The following DNAJC6 variants were observed in gnomAD, a reference collection of about 807,000 sequenced individuals.
The protein encoded by DNAJC6 is auxilin.
Under a neutral mutation model 110.0 loss-of-function variants are expected in DNAJC6, and 34 were observed. The observed-to-expected ratio is 0.31, with a 90% CI of 0.24 to 0.41. DNAJC6 has a LOEUF of 0.41. Ranked by LOEUF, DNAJC6 falls within the 10% of genes least tolerant of loss-of-function variation. DNAJC6 has a pLI of 1.00. For synonymous variants in DNAJC6, 406 were observed against 437.2 expected, an observed-to-expected ratio of 0.93 and a Z score of 0.89; for missense variants, 1,031 against 1,207.8, an observed-to-expected ratio of 0.85 and a Z score of 2.17.
Position 65,338,098 on chromosome 1 carries a change from T to A in DNAJC6, c.194-26537T>A, listed in dbSNP as rs146079365. On this transcript the variant is annotated intron_variant, in intron 1 of 18. Coordinates refer to ENST00000371069, the MANE Select transcript of DNAJC6 (RefSeq NM_001256864.2). The stretch of plus-strand genomic sequence containing the variant: ...TAGAGGGAAATGGTGCATAAAGACC[T>A]CTGGTGTGAGGGGTGCTCACTGCTC... Among the ~76,000 whole-genome samples, 294 of 152,290 alleles carry A rather than the reference T, an allele frequency of 1.9e-3. 3 individuals carry two copies. The highest frequency in any genetic ancestry group is 6.4e-3 in the African/African-American group (264 of 41,552).
In DNAJC6 at chr1:65,398,848, G is replaced by A. The variant is rs1398658562; in HGVS notation, c.2074G>A (p.Val692Ile). 1 of 1,613,978 alleles carries A rather than the reference G, an allele frequency of 6.2e-7. No individual in the cohort carries two copies. The highest frequency in any genetic ancestry group is 8.5e-7 in the Non-Finnish European group (1 of 1,179,998). Residue 692 changes from valine to isoleucine, a missense_variant, in exon 14 of 19, where the codon GTT becomes ATT. Coordinates refer to ENST00000371069, the MANE Select transcript of DNAJC6 (RefSeq NM_001256864.2). ...STPAVNIQPD[V>I]SGGWDWHAKP... is the part of the protein sequence containing the mutation. ...GCCTGCTGTGAACATTCAGCCAGAT[G>A]TTTCTGGAGGTTGGGACTGGCATGC...
chr1:65,267,935 C>T (rs1283499003), intron 1 of DNAJC6, among the ~76,000 whole-genome samples: 1 of 151,120 alleles, frequency 6.6e-6, no homozygotes, highest in Non-Finnish European at 1.5e-5. Context: ...GCAACCAGAC[C>T]GTGAGAGCCA....
chr1:65,306,149 G>T (rs1016501069), upstream of DNAJC6, among the ~76,000 whole-genome samples: 4 of 149,482 alleles, frequency 2.7e-5, no homozygotes, highest in African/African-American at 9.9e-5. Flanking sequence ...CTGGGTTCAA[G>T]CGATTCTCCT....
intron 16 of DNAJC6, 138 bp downstream of exon 16, chr1:65,406,271 A>G (rs1646075533): frequency 1.6e-6 from 2 of 1,274,146 alleles, no homozygotes; most frequent in South Asian, 1.5e-5. Flanking sequence ...TTATAGTTGT[A>G]GAGATAAAAC....
intron 4 of DNAJC6, among the ~76,000 whole-genome samples, chr1:65,368,708 T>TCTTCCTCCTCC (rs1404364506): frequency 2.2e-5 from 1 of 45,904 alleles, no homozygotes; most frequent in African/African-American, 2.5e-4. Flanking sequence ...TTCCTCCTCC[T>TCTTCCTCCTCC]TCTTCTTCCT....
chr1:65,386,928 A>C lies in DNAJC6; in HGVS notation c.1112A>C (p.Lys371Thr), dbSNP rs1236299837. The C allele has an allele frequency of 1.2e-6, 2 of 1,612,906 alleles. No homozygotes were observed. Among genetic ancestry groups the C allele is most frequent in the Non-Finnish European group, 1.7e-6 (2 of 1,178,994 alleles). ...ACCATTGGGAGCCGGCTACAGGCTA[A>C]GGTATGGTTTTTGGAAGAATCATGG... ...RSTIGSRLQA[K>T]VTNTQIFQLQ... The change falls in exon 8 of 19, where the codon AAG (lysine) becomes ACG (threonine). Residue 371 changes from lysine (K) to threonine (T), a missense_variant and splice_region_variant. By Grantham distance (78) the Lys-to-Thr change is moderately conservative. Coordinates refer to ENST00000371069, the MANE Select transcript of DNAJC6 (RefSeq NM_001256864.2).
chr1:65,313,625 A>T (rs144511337), intron 1 of DNAJC6, among the ~76,000 whole-genome samples: 1 of 152,192 alleles, frequency 6.6e-6, no homozygotes, highest in African/African-American at 2.4e-5. Flanking sequence ...GGTAGACACA[A>T]TATCAACTGA....
chr1:65,389,171 G>C, intron 9 of DNAJC6, 85 bp from the exon 10 acceptor site: 1 of 1,254,870 alleles, frequency 8.0e-7, no homozygotes, highest in Non-Finnish European at 1.1e-6. Context: ...TAACCTAAGA[G>C]TCAACCTAAG....
chr1:65,364,876 T>C, intron 2 of DNAJC6, 91 bp downstream of exon 2: 1 of 1,493,276 alleles, frequency 6.7e-7, no homozygotes, highest in Non-Finnish European at 9.1e-7. Context: ...TCAAAGAGTG[T>C]CAATTTTGGG....
intron 1 of DNAJC6, among the ~76,000 whole-genome samples, chr1:65,315,285 G>GTTT (rs59005722): frequency 3.4e-5 from 5 of 145,766 alleles, no homozygotes; most frequent in South Asian, 2.2e-4. Context: ...TGAGAATAAT[G>GTTT]TTTTTTTTTT....
chr1:65,401,650 C>A (rs1479108305), intron 14 of DNAJC6, 111 bp from the exon 15 acceptor site: 3 of 1,440,212 alleles, frequency 2.1e-6, no homozygotes, highest in Non-Finnish European at 2.8e-6. Flanking sequence ...CATTTTCAAA[C>A]CCTGTCCTAA....
intron 7 of DNAJC6, 95 bp downstream of exon 7, chr1:65,386,001 A>G: frequency 1.6e-6 from 2 of 1,223,480 alleles, no homozygotes; most frequent in Non-Finnish European, 2.2e-6. Context: ...GCAAGACTAT[A>G]TCATTGTGAA....
chr1:65,359,055 T>G (rs1196286675), intron 1 of DNAJC6, among the ~76,000 whole-genome samples: 1 of 152,236 alleles, frequency 6.6e-6, no homozygotes, highest in African/African-American at 2.4e-5. Flanking sequence ...ATAAAATGTT[T>G]ATGAAAAGCA....
intron 1 of DNAJC6, among the ~76,000 whole-genome samples, chr1:65,300,692 A>G (rs1644971103): frequency 6.6e-6 from 1 of 152,198 alleles, no homozygotes; most frequent in Non-Finnish European, 1.5e-5. Context: ...TCACATTCGA[A>G]TGGATAAATA....
chr1:65,369,182 C>T (rs1328342001), intron 4 of DNAJC6, among the ~76,000 whole-genome samples: 2 of 152,154 alleles, frequency 1.3e-5, no homozygotes, highest in Non-Finnish European at 2.9e-5. Flanking sequence ...TTAGCTCTTC[C>T]AGATAGTCCT....
At chr1:65,305,424 A>G (rs1030519047), upstream of DNAJC6, among the ~76,000 whole-genome samples, 3 of 152,222 alleles carry the variant, frequency 2.0e-5, no homozygotes, top group Admixed American at 2.0e-4. Context: ...ATATTTTAAG[A>G]AACAATATCT....
chr1:65,329,155 C>A (rs1352563953), intron 1 of DNAJC6, among the ~76,000 whole-genome samples: 3 of 152,166 alleles, frequency 2.0e-5, no homozygotes, highest in African/African-American at 7.2e-5. Context: ...GGCTTTTGAT[C>A]CTGCCTGCAC....
At chr1:65,361,803 G>A (rs1486276550) in intron 1 of DNAJC6, among the ~76,000 whole-genome samples, 4 of 152,076 alleles carry the variant, frequency 2.6e-5, no homozygotes, top group Non-Finnish European at 4.4e-5. Flanking sequence ...GTATAATCTA[G>A]AGAGAGTCTT....
intron 1 of DNAJC6, among the ~76,000 whole-genome samples, chr1:65,288,544 A>G (rs1448983521): frequency 8.5e-5 from 13 of 152,192 alleles, no homozygotes; most frequent in African/African-American, 3.1e-4. Flanking sequence ...AGAACATTGA[A>G]TTTGTAGGCG....
Sources: allele counts gnomAD v4.1 joint callset (sites outside exome capture counted in the v4.1 genomes callset), GRCh38; gene constraint gnomAD v4.1.1; transcripts MANE v1.5; gene names NCBI Gene and HGNC (gene_info 2026-07-23, HGNC 2026-07-21).